Variants in TLK1 observed in about 807,000 individuals in gnomAD.
The protein encoded by TLK1 is tousled like kinase 1.
A neutral mutation model predicts 105.3 loss-of-function variants in TLK1; 24 were observed. That is an observed-to-expected ratio of 0.23 (90% CI 0.17 to 0.32). The LOEUF (loss-of-function observed/expected upper bound fraction) is 0.32. Ranked by LOEUF, TLK1 falls within the 10% of genes least tolerant of loss-of-function variation. The pLI, the probability that TLK1 is intolerant of heterozygous loss-of-function variation, is 1.00. For synonymous variants in TLK1, 321 were observed against 310.4 expected (o/e 1.03, Z -0.36); for missense variants, 558 against 910.5 (o/e 0.61, Z 4.98).
intron 18 of TLK1, among the ~76,000 whole-genome samples, chr2:171,001,110 T>C (rs1684345481): frequency 6.6e-6 from 1 of 152,264 alleles, no homozygotes; most frequent in African/African-American, 2.4e-5. Context: ...CACGGTTTTC[T>C]CTTGCAGCAA....
chr2:171,163,535 G>C (rs75921283), upstream of TLK1, among the ~76,000 whole-genome samples: 1,393 of 152,312 alleles, frequency 9.1e-3, 19 homozygotes, highest in African/African-American at 0.031. Context: ...CAGGTAACTT[G>C]ATTCAATTTC....
intron 2 of TLK1, among the ~76,000 whole-genome samples, chr2:171,096,231 G>A (rs1689445019): frequency 6.6e-6 from 1 of 152,102 alleles, no homozygotes; most frequent in Non-Finnish European, 1.5e-5. Context: ...AGGGCATGGT[G>A]GCTCATGCCT....
intron 1 of TLK1, among the ~76,000 whole-genome samples, chr2:171,206,662 G>C (rs1693513131): frequency 6.6e-6 from 1 of 152,204 alleles, no homozygotes; most frequent in African/African-American, 2.4e-5. Flanking sequence ...AAAGAGACCA[G>C]CTTGCTAGAA....
intron 1 of TLK1, among the ~76,000 whole-genome samples, chr2:171,192,572 C>T (rs1043543240): frequency 6.6e-6 from 1 of 151,890 alleles, no homozygotes; most frequent in Admixed American, 6.6e-5. Flanking sequence ...CCCAGCTACT[C>T]GGGAGGCTGA....
At chr2:171,068,954 A>C (rs1304406172) in intron 3 of TLK1, among the ~76,000 whole-genome samples, 1 of 152,220 alleles carries the variant, frequency 6.6e-6, no homozygotes, top group African/African-American at 2.4e-5. Context: ...TTTTTAAACT[A>C]AAGAATAAAA....
intron 1 of TLK1, among the ~76,000 whole-genome samples, chr2:171,192,014 C>T (rs916895253): frequency 1.3e-5 from 2 of 151,982 alleles, no homozygotes; most frequent in African/African-American, 4.8e-5. Context: ...AAAATTTTTG[C>T]CCTAAATAGA....
chr2:171,086,556 A>G (rs1221780488), intron 2 of TLK1, among the ~76,000 whole-genome samples: 2 of 151,842 alleles, frequency 1.3e-5, no homozygotes, highest in Non-Finnish European at 2.9e-5. Context: ...AATCTGGGAG[A>G]CAGAGGTTAA....
At chr2:171,034,726 C>T (rs926348177) in intron 11 of TLK1, among the ~76,000 whole-genome samples, 5 of 151,918 alleles carry the variant, frequency 3.3e-5, no homozygotes, top group East Asian at 3.8e-4. Context: ...AATGGTTATT[C>T]GTATGTTACA....
intron 3 of TLK1, among the ~76,000 whole-genome samples, chr2:171,076,492 G>A (rs1257665024): frequency 6.6e-6 from 1 of 152,052 alleles, no homozygotes; most frequent in East Asian, 1.9e-4. Context: ...CCCAGTCTGT[G>A]ATATTCTGTT....
At chr2:171,212,368 C>G (rs1297586894) in intron 1 of TLK1, among the ~76,000 whole-genome samples, 2 of 151,158 alleles carry the variant, frequency 1.3e-5, no homozygotes, top group African/African-American at 4.9e-5. Context: ...CCTGACACCC[C>G]CAATTTTCCC....
At chr2:171,052,769 A>G (rs958309303) in intron 8 of TLK1, among the ~76,000 whole-genome samples, 1 of 152,232 alleles carries the variant, frequency 6.6e-6, no homozygotes, top group African/African-American at 2.4e-5. Context: ...GAGAAAGTAA[A>G]TATGACAGGA....
intron 1 of TLK1, among the ~76,000 whole-genome samples, chr2:171,205,701 G>T (rs903264508): frequency 6.6e-6 from 1 of 152,130 alleles, no homozygotes; most frequent in South Asian, 2.1e-4. Flanking sequence ...ATTGCTGTTG[G>T]GTGGAGAGCG....
intron 1 of TLK1, among the ~76,000 whole-genome samples, chr2:171,210,949 A>G (rs529506796): frequency 6.6e-6 from 1 of 152,354 alleles, no homozygotes; most frequent in South Asian, 2.1e-4. Flanking sequence ...GCCAGCAGGT[A>G]TATACAGCCG....
intron 2 of TLK1, among the ~76,000 whole-genome samples, chr2:171,085,098 T>C (rs191158952): frequency 6.6e-6 from 1 of 152,200 alleles, no homozygotes; most frequent in Admixed American, 6.5e-5. Flanking sequence ...TTCAAGAAAA[T>C]GTCTCTGATG....
chr2:171,208,137 C>T (rs1326884541), intron 1 of TLK1, among the ~76,000 whole-genome samples: 1 of 152,000 alleles, frequency 6.6e-6, no homozygotes, highest in Non-Finnish European at 1.5e-5. Flanking sequence ...TCTTTTTTTA[C>T]TTTTGGCTTT....
chr2:171,160,224 G>C lies in TLK1; in HGVS notation c.139+66C>G. 7.8e-7 allele frequency: 1 copy of C among 1,285,598 alleles called. No homozygotes were observed. Among genetic ancestry groups the C allele is most frequent in the Non-Finnish European group, 9.9e-7 (1 of 1,012,678 alleles). 79.6% of individuals were successfully genotyped at this position (1,285,598 alleles called of 1,614,324 possible). On this transcript the variant is annotated intron_variant, in intron 1 of 20. Transcript: ENST00000431350. This position sits in a 1 kb window ranked among gnomAD's most constrained non-coding sequence, Gnocchi z 4.4. The stretch of plus-strand genomic sequence containing the variant: ...GCCCCGGGGCGGGGGGGGCGGGGGG[G>C]GGGCGCGGGGGTCCGCGGCGCGGGA...
intron 1 of TLK1, among the ~76,000 whole-genome samples, chr2:171,189,602 A>T (rs1693103272): frequency 6.6e-6 from 1 of 152,218 alleles, no homozygotes; most frequent in South Asian, 2.1e-4. Flanking sequence ...TCTGTTACCT[A>T]TATCATTAAT....
At chr2:171,101,216 C>T (rs1689674522) in intron 2 of TLK1, among the ~76,000 whole-genome samples, 3 of 151,718 alleles carry the variant, frequency 2.0e-5, no homozygotes, top group South Asian at 2.1e-4. Context: ...AGTGGTGGTA[C>T]GTGCCTGTAA....
At chr2:171,194,215 T>C (rs1191332696) in intron 1 of TLK1, among the ~76,000 whole-genome samples, 1 of 152,106 alleles carries the variant, frequency 6.6e-6, no homozygotes, top group Non-Finnish European at 1.5e-5. Context: ...TGTAGAAAAA[T>C]GAGCCTCAGC....
Sources: allele counts gnomAD v4.1 joint callset (sites outside exome capture counted in the v4.1 genomes callset), GRCh38; gene constraint gnomAD v4.1.1; non-coding constraint Gnocchi (gnomAD v3.1); transcripts MANE v1.5; gene names NCBI Gene and HGNC (gene_info 2026-07-23, HGNC 2026-07-21).